CACNB2: variants seen among roughly 807,000 people sequenced by gnomAD.
The protein encoded by CACNB2 is voltage-dependent L-type calcium channel subunit beta-2.
A neutral mutation model predicts 73.3 loss-of-function variants in CACNB2; 42 were observed. The observed-to-expected ratio is 0.57, with a 90% CI of 0.45 to 0.74. The LOEUF is 0.74. Among genes scored for constraint, CACNB2 ranks in the 30% least tolerant of loss-of-function variants. The pLI is 0.00. For synonymous variants in CACNB2, 348 were observed against 310.3 expected, an observed-to-expected ratio of 1.12 and a Z score of -1.28; for missense variants, 940 against 853.0, an observed-to-expected ratio of 1.10 and a Z score of -1.27.
rs536716524 is a variant in CACNB2 at position 18,500,975 on chromosome 10, A to C, written c.593+27A>C. 17 of 1,609,968 alleles carry C rather than the reference A, an allele frequency of 1.1e-5. No individual in the cohort carries two copies. The East Asian group carries it at 3.1e-4, about 30-fold the overall frequency. On this transcript the variant is annotated intron_variant, in intron 5 of 13. Transcript: ENST00000324631. ...TATGAGACAGATGTCAAGTGTTTGC[A>C]TAAAACTTAGATTATACCACTATCT...
chr10:18,325,450 C>T (rs1445116173), intron 2 of CACNB2, among the ~76,000 whole-genome samples: 1 of 151,938 alleles, frequency 6.6e-6, no homozygotes, highest in African/African-American at 2.4e-5. Context: ...CTGCCTTGGC[C>T]TCCCAAAGTT....
chr10:18,160,584 C>T (rs950399955), intron 2 of CACNB2, among the ~76,000 whole-genome samples: 1 of 152,054 alleles, frequency 6.6e-6, no homozygotes, highest in African/African-American at 2.4e-5. Flanking sequence ...AATAGAATTT[C>T]CTTAAATTCT....
intron 2 of CACNB2, among the ~76,000 whole-genome samples, chr10:18,259,559 ACAAAC>A (rs1461241219): frequency 0.011 from 1,428 of 124,724 alleles, 67 homozygotes; most frequent in African/African-American, 0.035. Flanking sequence ...AAAACAAAAA[ACAAAC>A]AAAAAAAAAA....
At chr10:18,209,071 A>T (rs531383360) in intron 2 of CACNB2, among the ~76,000 whole-genome samples, 2 of 152,354 alleles carry the variant, frequency 1.3e-5, no homozygotes, top group African/African-American at 4.8e-5. Flanking sequence ...ATTCCACATT[A>T]CCTGCAGAAC....
chr10:18,536,243 C>CTTTTTT lies in CACNB2; in HGVS notation c.1302+72_1302+77dup, dbSNP rs904187820. ...CATAATCCAGTTACAGAGATCAGAC[C>CTTTTTT]TTTTTTTTTTTTTTTTTTTTTTTTT... On this transcript the variant is annotated intron_variant, in intron 12 of 13. Transcript: ENST00000324631. The CTTTTTT allele has an allele frequency of 3.0e-4, 85 of 283,046 alleles. 1 individual carries two copies. The highest frequency in any genetic ancestry group is 1.4e-3 in the South Asian group (39 of 27,082). 17.5% of individuals were successfully genotyped at this position (283,046 alleles called of 1,614,324 possible).
chr10:18,534,281 T>A, intron 11 of CACNB2, 54 bp downstream of exon 11: 3 of 1,445,728 alleles, frequency 2.1e-6, no homozygotes, highest in Non-Finnish European at 2.9e-6. Context: ...AAAATGTATT[T>A]TATGTTCTGC....
At chr10:18,337,701 T>C (rs979673931) in intron 2 of CACNB2, among the ~76,000 whole-genome samples, 1 of 152,170 alleles carries the variant, frequency 6.6e-6, no homozygotes, top group African/African-American at 2.4e-5. Flanking sequence ...ATAACCACCA[T>C]CCTGGATTTG....
chr10:18,317,866 G>A (rs1434446710), intron 2 of CACNB2, among the ~76,000 whole-genome samples: 1 of 152,150 alleles, frequency 6.6e-6, no homozygotes, highest in African/African-American at 2.4e-5. Context: ...TAAAGAACAT[G>A]AGGTCTTTAT....
intron 3 of CACNB2, among the ~76,000 whole-genome samples, chr10:18,420,126 T>C (rs1303322701): frequency 1.3e-5 from 2 of 152,222 alleles, no homozygotes; most frequent in Admixed American, 6.5e-5. Flanking sequence ...GGAGTCACTC[T>C]GGTTAGGATG....
intron 2 of CACNB2, among the ~76,000 whole-genome samples, chr10:18,207,878 A>C (rs1056557521): frequency 1.3e-5 from 2 of 152,208 alleles, no homozygotes; most frequent in African/African-American, 4.8e-5. Flanking sequence ...AAAAAGAATC[A>C]TCGTTATGAA....
At chr10:18,256,937 C>A (rs1051414254) in intron 2 of CACNB2, 3 of 152,108 alleles carry the variant, frequency 2.0e-5, no homozygotes, top group Admixed American at 6.6e-5. Context: ...CAGACACAGA[C>A]CCTGTCTCAA....
intron 2 of CACNB2, among the ~76,000 whole-genome samples, chr10:18,286,041 A>G (rs1477510277): frequency 6.6e-6 from 1 of 152,238 alleles, no homozygotes; most frequent in African/African-American, 2.4e-5. Context: ...GTAGTAATAT[A>G]TGTACATCTG....
intron 5 of CACNB2, among the ~76,000 whole-genome samples, chr10:18,503,237 GTTCCA>G (rs763341843): frequency 2.0e-4 from 31 of 152,160 alleles, no homozygotes; most frequent in Non-Finnish European, 3.8e-4. Flanking sequence ...AATCCTTAAT[GTTCCA>G]TTGGCCTTAT....
intron 2 of CACNB2, among the ~76,000 whole-genome samples, chr10:18,358,543 T>G (rs1403658724): frequency 6.5e-5 from 2 of 30,980 alleles, no homozygotes; most frequent in Non-Finnish European, 1.8e-4. Context: ...TCTCTCTCTC[T>G]CTCTCTCTCG....
chr10:18,246,566 C>T (rs1423878209), intron 2 of CACNB2, among the ~76,000 whole-genome samples: 1 of 151,986 alleles, frequency 6.6e-6, no homozygotes, highest in Non-Finnish European at 1.5e-5. Flanking sequence ...TGTTTACACA[C>T]CCAGCTGTTA....
At chr10:18,232,087 G>T (rs1237456637) in intron 2 of CACNB2, among the ~76,000 whole-genome samples, 1 of 152,172 alleles carries the variant, frequency 6.6e-6, no homozygotes, top group East Asian at 1.9e-4. Context: ...GTTCTCTTCT[G>T]AAGGTAACAA....
chr10:18,482,086 GT>G (rs1423517254), intron 3 of CACNB2, among the ~76,000 whole-genome samples: 3 of 152,016 alleles, frequency 2.0e-5, no homozygotes, highest in African/African-American at 7.2e-5. Flanking sequence ...TAGAGATGGG[GT>G]TTTGCCATGT....
chr10:18,276,204 A>C (rs1198152412), intron 2 of CACNB2, among the ~76,000 whole-genome samples: 2 of 152,222 alleles, frequency 1.3e-5, no homozygotes, highest in Non-Finnish European at 2.9e-5. Context: ...GATAAATTAA[A>C]CTTAGAATCA....
At chr10:18,427,106 C>T (rs1443634792) in intron 3 of CACNB2, among the ~76,000 whole-genome samples, 1 of 151,960 alleles carries the variant, frequency 6.6e-6, no homozygotes, top group Non-Finnish European at 1.5e-5. Flanking sequence ...CAGGCATGCG[C>T]CACCACGCCC....
Sources: gnomAD v4.1 joint callset for allele counts (sites outside exome capture counted in the v4.1 genomes callset) on GRCh38, gnomAD v4.1.1 for gene constraint, MANE v1.5 for transcripts, NCBI Gene and HGNC (gene_info 2026-07-23, HGNC 2026-07-21) for gene names.